Variants in KIAA1549L observed in about 807,000 individuals in gnomAD.
The protein encoded by KIAA1549L is KIAA1549 like.
In KIAA1549L, 88 loss-of-function variants were observed where a neutral mutation model predicts 160.7. The observed-to-expected ratio is 0.55, with a 90% confidence interval of 0.46 to 0.65. KIAA1549L has a LOEUF of 0.65. KIAA1549L is among the 30% of genes least tolerant of loss of function. The pLI is 0.00. For missense variants in KIAA1549L, 2,258 were observed against 2,437.5 expected (o/e 0.93, Z 1.55); for synonymous variants, 950 against 976.7 (o/e 0.97, Z 0.51).
At chr11:33,433,387 A>G (rs1851291441) in intron 1 of KIAA1549L, among the ~76,000 whole-genome samples, 1 of 152,234 alleles carries the variant, frequency 6.6e-6, no homozygotes, top group African/African-American at 2.4e-5. Flanking sequence ...CAAAACCACA[A>G]TGAGATACCA....
chr11:33,543,070 T>A lies in KIAA1549L; in HGVS notation c.1507T>A (p.Ser503Thr). 6.2e-7 allele frequency: 1 copy of A among 1,613,902 alleles called. No individual in the cohort carries two copies. Among genetic ancestry groups the A allele is most frequent in the Non-Finnish European group, 8.5e-7 (1 of 1,179,884 alleles). ...SPSTGTADFP[S>T]ILTFLQPTEN... is the part of the protein sequence containing the mutation. The stretch of plus-strand genomic sequence containing the variant: ...ATCAACTGGGACAGCCGACTTTCCC[T>A]CCATACTTACTTTCCTCCAGCCCAC... The change falls in exon 2 of 21, where the codon TCC becomes ACC. Residue 503 changes from serine to threonine, a missense_variant. Coordinates refer to ENST00000658780, the MANE Select transcript of KIAA1549L (RefSeq NM_012194.3).
chr11:33,435,784 A>ATGTGTGTG (rs1180781136), intron 1 of KIAA1549L, among the ~76,000 whole-genome samples: 1 of 20,654 alleles, frequency 4.8e-5, no homozygotes, highest in Non-Finnish European at 7.7e-5. Flanking sequence ...ATATATATAT[A>ATGTGTGTG]TATATATATA....
intron 1 of KIAA1549L, among the ~76,000 whole-genome samples, chr11:33,426,316 A>G (rs1851115231): frequency 6.6e-6 from 1 of 152,184 alleles, no homozygotes; most frequent in African/African-American, 2.4e-5. Flanking sequence ...GGGACACATG[A>G]AAGCTTTGTG....
chr11:33,487,325 C>T lies in KIAA1549L; in HGVS notation c.239-54477C>T, dbSNP rs147696407. Among the ~76,000 whole-genome samples, 207 of 151,394 alleles carry T rather than the reference C, an allele frequency of 1.4e-3. 1 individual carries two copies. Among genetic ancestry groups the T allele is most frequent in the African/African-American group, 4.8e-3 (196 of 41,210 alleles). The stretch of plus-strand genomic sequence containing the variant: ...GAGATGGAAGGTGGTATGTACTGAC[C>T]AAGAAGTCTAGCCCACTAGGTGGGG... On this transcript the variant is annotated intron_variant, in intron 1 of 20. Coordinates refer to ENST00000658780, the MANE Select transcript of KIAA1549L (RefSeq NM_012194.3).
chr11:33,599,630 A>G (rs189746218), intron 13 of KIAA1549L: 1 of 152,336 alleles, frequency 6.6e-6, no homozygotes, highest in African/African-American at 2.4e-5. Flanking sequence ...TTTATTTATC[A>G]GTCATCTGAG....
chr11:33,379,508 T>A (rs1180866999), intron 1 of KIAA1549L, among the ~76,000 whole-genome samples: 2 of 152,212 alleles, frequency 1.3e-5, no homozygotes, highest in Non-Finnish European at 2.9e-5. Flanking sequence ...TGACACCCTG[T>A]ATTCTCTTTG....
At chr11:33,594,724 G>A (rs997908354) in intron 12 of KIAA1549L, among the ~76,000 whole-genome samples, 1 of 152,184 alleles carries the variant, frequency 6.6e-6, no homozygotes, top group Non-Finnish European at 1.5e-5. Context: ...AGAGATGTAC[G>A]AACAAATTAG....
At chr11:33,659,946 C>T (rs1013032272) in intron 19 of KIAA1549L, among the ~76,000 whole-genome samples, 7 of 152,226 alleles carry the variant, frequency 4.6e-5, no homozygotes, top group African/African-American at 1.4e-4. Context: ...CCTTTGTCCT[C>T]TCATCCCCTA....
chr11:33,484,328 A>T (rs1485192981), intron 1 of KIAA1549L, among the ~76,000 whole-genome samples: 3 of 152,114 alleles, frequency 2.0e-5, no homozygotes, highest in Non-Finnish European at 4.4e-5. Context: ...TCTCAGTATC[A>T]CCGCCTTTGT....
At chr11:33,634,123 A>C (rs1423389010) in intron 16 of KIAA1549L, among the ~76,000 whole-genome samples, 1 of 100,906 alleles carries the variant, frequency 9.9e-6, no homozygotes, top group South Asian at 3.4e-4. Flanking sequence ...GCTCACTGCA[A>C]CTTCTGCCTC....
At chr11:33,631,441 G>T (rs760957733) in intron 16 of KIAA1549L, among the ~76,000 whole-genome samples, 1 of 152,180 alleles carries the variant, frequency 6.6e-6, no homozygotes, top group Admixed American at 6.5e-5. Context: ...CCTCCTCGCT[G>T]TTAACACTTA....
intron 1 of KIAA1549L, among the ~76,000 whole-genome samples, chr11:33,401,979 G>C (rs1312297121): frequency 6.6e-6 from 1 of 152,222 alleles, no homozygotes; most frequent in Non-Finnish European, 1.5e-5. Flanking sequence ...CTGTCCCTCT[G>C]CTCCAGCCAG....
At chr11:33,447,755 A>G (rs1273863413) in intron 1 of KIAA1549L, among the ~76,000 whole-genome samples, 1 of 152,098 alleles carries the variant, frequency 6.6e-6, no homozygotes, top group Non-Finnish European at 1.5e-5. Flanking sequence ...TATAAACTCT[A>G]AGACATCAGA....
intron 1 of KIAA1549L, among the ~76,000 whole-genome samples, chr11:33,447,072 C>G (rs1851626417): frequency 1.3e-5 from 2 of 152,282 alleles, no homozygotes; most frequent in Non-Finnish European, 1.5e-5. Context: ...CAGGGATCTT[C>G]TTGTGGCAGC....
chr11:33,554,849 C>T (rs944554106), intron 6 of KIAA1549L, among the ~76,000 whole-genome samples: 1 of 152,182 alleles, frequency 6.6e-6, no homozygotes, highest in African/African-American at 2.4e-5. Context: ...AGGCAAACAA[C>T]AGCTTTCTGT....
Position 33,618,654 on chromosome 11 carries a change from G to T in KIAA1549L, c.5401G>T (p.Gly1801Ter). Reference protein sequence around the residue: ...ERPRRGIRNSGYDTEPEIIEE... With the variant: ...ERPRRGIRNS ...ACCCCGGCGTGGAATCCGCAACAGC[G>T]GATACGATGTGAGTCTCTGGTGGGC... The change falls in exon 16 of 21, where the codon GGA (glycine) becomes TGA (stop). Residue 1801 changes from glycine (G) to a stop codon, truncating the protein, a stop_gained. Coordinates refer to ENST00000658780, the MANE Select transcript of KIAA1549L (RefSeq NM_012194.3). LOFTEE classifies it high-confidence loss of function. 6.3e-7 allele frequency: 1 copy of T among 1,589,426 alleles called. No individual in the cohort carries two copies. Among genetic ancestry groups the T allele is most frequent in the Non-Finnish European group, 8.6e-7 (1 of 1,166,522 alleles).
At chr11:33,587,103 A>C (rs1203758298) in intron 11 of KIAA1549L, among the ~76,000 whole-genome samples, 1 of 152,212 alleles carries the variant, frequency 6.6e-6, no homozygotes, top group Non-Finnish European at 1.5e-5. Flanking sequence ...TGTGAGGATT[A>C]AGTTAATATA....
At chr11:33,492,477 C>T (rs1449402287) in intron 1 of KIAA1549L, among the ~76,000 whole-genome samples, 1 of 152,114 alleles carries the variant, frequency 6.6e-6, no homozygotes, top group Non-Finnish European at 1.5e-5. Context: ...CTAGGGTGTG[C>T]GTGGGATATG....
intron 16 of KIAA1549L, among the ~76,000 whole-genome samples, chr11:33,622,658 A>G (rs538876205): frequency 2.2e-4 from 34 of 152,308 alleles, no homozygotes; most frequent in African/African-American, 7.7e-4. Context: ...GGAGATAGAA[A>G]TTAGCCATTT....
Sources: gnomAD v4.1 joint callset for allele counts (sites outside exome capture counted in the v4.1 genomes callset) on GRCh38, gnomAD v4.1.1 for gene constraint, MANE v1.5 for transcripts, NCBI Gene and HGNC (gene_info 2026-07-23, HGNC 2026-07-21) for gene names.